L3MBTL4: variants seen among roughly 807,000 people sequenced by gnomAD.
L3MBTL4 encodes the protein L3MBTL histone methyl-lysine binding protein 4.
In L3MBTL4, 70 loss-of-function variants were observed where a neutral mutation model predicts 84.5. That is an observed-to-expected ratio of 0.83 (90% CI 0.68 to 1.01). The LOEUF (loss-of-function observed/expected upper bound fraction) is 1.01, where lower values mean the gene tolerates loss of function less well. L3MBTL4 is among the 50% of genes least tolerant of loss of function. The pLI, the probability that L3MBTL4 is intolerant of heterozygous loss-of-function variation, is 0.00. For synonymous variants in L3MBTL4, 274 were observed against 259.8 expected (o/e 1.05, Z -0.52); for missense variants, 715 against 754.8 (o/e 0.95, Z 0.62).
rs148049264 is a variant in L3MBTL4 at position 6,110,189 on chromosome 18, T to C, written c.1200-16661A>G. ...ATGCCATTTACATCTCAGACCCCTA[T>C]TGAGTTTCAAAATTTAATCCACTGG... On this transcript the variant is annotated intron_variant, in intron 14 of 18. Coordinates refer to ENST00000317931, the MANE Select transcript of L3MBTL4 (RefSeq NM_001330559.2). Among the ~76,000 whole-genome samples, 555 of 152,354 alleles carry C rather than the reference T, an allele frequency of 3.6e-3. 4 individuals are homozygous for C. The highest frequency in any genetic ancestry group is 0.013 in the African/African-American group (529 of 41,576).
chr18:6,318,753 A>G, intron 1 of L3MBTL4, among the ~76,000 whole-genome samples: 1 of 152,056 alleles, frequency 6.6e-6, no homozygotes, highest in Non-Finnish European at 1.5e-5. Context: ...GAAGCAATGA[A>G]ATTAAACTAC....
chr18:6,086,195 A>G (rs1453279065), intron 15 of L3MBTL4, among the ~76,000 whole-genome samples: 5 of 152,176 alleles, frequency 3.3e-5, no homozygotes, highest in African/African-American at 4.8e-5. Context: ...AACCAGGTTA[A>G]GTATACAGAT....
intron 5 of L3MBTL4, among the ~76,000 whole-genome samples, chr18:6,257,664 T>TTTTTTTA (rs1171736766): frequency 2.0e-5 from 3 of 147,564 alleles, no homozygotes; most frequent in African/African-American, 7.7e-5. Context: ...TTTTTTTTTT[T>TTTTTTTA]AAATGGAGTT....
intron 12 of L3MBTL4, among the ~76,000 whole-genome samples, chr18:6,185,492 A>T (rs1295684710): frequency 6.6e-6 from 1 of 152,160 alleles, no homozygotes; most frequent in African/African-American, 2.4e-5. Flanking sequence ...GCAGGCTGGC[A>T]GTGGCTGAAG....
At chr18:6,128,710 A>G (rs1400598728) in intron 14 of L3MBTL4, among the ~76,000 whole-genome samples, 1 of 152,160 alleles carries the variant, frequency 6.6e-6, no homozygotes, top group Non-Finnish European at 1.5e-5. Flanking sequence ...CTCTGTCCCA[A>G]AAAGTCAGGA....
At position 6,121,025 on chromosome 18, in the gene L3MBTL4, C is replaced by T. The variant is rs1191623380; in HGVS notation, c.1199+17169G>A. Among the ~76,000 whole-genome samples, 9 of 152,200 alleles carry T rather than the reference C, an allele frequency of 5.9e-5. No homozygotes were observed. In the East Asian group the frequency reaches 1.5e-3, roughly 26 times the overall value. ...TTCTTGAAGTTATTTTTGGCATCTA[C>T]TAGATAAGTGATGTTTACAACATTC... On this transcript the variant is annotated intron_variant, in intron 14 of 18. Transcript: ENST00000317931.
chr18:5,963,048 C>G (rs977097489), intron 17 of L3MBTL4, among the ~76,000 whole-genome samples: 5 of 152,150 alleles, frequency 3.3e-5, no homozygotes, highest in African/African-American at 1.2e-4. Context: ...TTCATAGTGT[C>G]ATAGGAGGAA....
At chr18:6,359,482 C>T (rs1207452459) in intron 1 of L3MBTL4, among the ~76,000 whole-genome samples, 1 of 152,034 alleles carries the variant, frequency 6.6e-6, no homozygotes, top group Admixed American at 6.5e-5. Context: ...CAAACAATTA[C>T]TTAGTATAAT....
chr18:6,369,226 A>G (rs2054060405), intron 1 of L3MBTL4, among the ~76,000 whole-genome samples: 1 of 152,134 alleles, frequency 6.6e-6, no homozygotes, highest in Non-Finnish European at 1.5e-5. Context: ...ACACAAATTA[A>G]AAGACAGAAA....
chr18:6,027,534 T>C (rs2145568325), intron 16 of L3MBTL4, among the ~76,000 whole-genome samples: 1 of 152,390 alleles, frequency 6.6e-6, no homozygotes, highest in East Asian at 1.9e-4. Context: ...TGATTTATAA[T>C]TCTTTGGGTG....
chr18:6,331,943 TA>T (rs112334259), intron 1 of L3MBTL4, among the ~76,000 whole-genome samples: 1,621 of 138,936 alleles, frequency 0.012, 8 homozygotes, highest in Non-Finnish European at 0.016. Context: ...AAGGCGAGAT[TA>T]AAAAAAAAAA....
At chr18:6,166,583 G>C (rs561455170) in intron 13 of L3MBTL4, among the ~76,000 whole-genome samples, 5,458 of 152,110 alleles carry the variant, frequency 0.036, 300 homozygotes, top group African/African-American at 0.12. Context: ...TGACTACTGG[G>C]TACATAACAA....
chr18:6,136,177 C>A (rs948047336), intron 14 of L3MBTL4, among the ~76,000 whole-genome samples: 45 of 152,188 alleles, frequency 3.0e-4, no homozygotes, highest in African/African-American at 1.1e-3. Context: ...GTCCCTCCCA[C>A]AACATGTGGG....
intron 13 of L3MBTL4, among the ~76,000 whole-genome samples, chr18:6,147,092 TGCAC>T (rs2042688490): frequency 6.6e-6 from 1 of 151,586 alleles, no homozygotes; most frequent in African/African-American, 2.4e-5. Flanking sequence ...TGTTCAATTA[TGCAC>T]TCTTTCCCAT....
chr18:6,022,641 C>T (rs949959990), intron 16 of L3MBTL4, among the ~76,000 whole-genome samples: 10 of 152,126 alleles, frequency 6.6e-5, no homozygotes, highest in African/African-American at 1.9e-4. Flanking sequence ...ATTATCACAT[C>T]GAATCCCAAC....
At chr18:6,054,018 G>A (rs2056927208) in intron 16 of L3MBTL4, among the ~76,000 whole-genome samples, 1 of 152,178 alleles carries the variant, frequency 6.6e-6, no homozygotes, top group Non-Finnish European at 1.5e-5. Context: ...CCTCTCTTCT[G>A]ATGTTGCTCT....
intron 12 of L3MBTL4, among the ~76,000 whole-genome samples, chr18:6,207,726 A>G (rs8089642): frequency 0.087 from 13,212 of 152,164 alleles, 1,934 homozygotes; most frequent in African/African-American, 0.3. Context: ...CACTGTGATG[A>G]CCATTAATTA....
intron 12 of L3MBTL4, among the ~76,000 whole-genome samples, chr18:6,181,004 A>T (rs901095956): frequency 2.6e-5 from 4 of 152,220 alleles, no homozygotes; most frequent in African/African-American, 9.6e-5. Context: ...AAGCAAAGTA[A>T]GCCAGGCACA....
At chr18:6,359,552 A>C (rs767067545) in intron 1 of L3MBTL4, among the ~76,000 whole-genome samples, 1 of 152,162 alleles carries the variant, frequency 6.6e-6, no homozygotes, top group Non-Finnish European at 1.5e-5. Flanking sequence ...TTCAGCACAG[A>C]TAACTCTTAG....
Sources: allele counts gnomAD v4.1 joint callset (sites outside exome capture counted in the v4.1 genomes callset), GRCh38; gene constraint gnomAD v4.1.1; transcripts MANE v1.5; gene names NCBI Gene and HGNC (gene_info 2026-07-23, HGNC 2026-07-21).